Variants in FMNL2 observed in about 807,000 individuals in gnomAD.
FMNL2 encodes the protein formin-like protein 2.
In FMNL2, 51 loss-of-function variants were observed where a neutral mutation model predicts 130.2. That is an observed-to-expected ratio of 0.39 (90% CI 0.31 to 0.49). FMNL2 has a LOEUF of 0.49. Among genes scored for constraint, FMNL2 ranks in the 20% least tolerant of loss-of-function variants. FMNL2 has a pLI of 0.85. For synonymous variants in FMNL2, 465 were observed against 467.1 expected (o/e 1.00, Z 0.06); for missense variants, 977 against 1,316.2 (o/e 0.74, Z 3.99).
At chr2:152,560,411 C>G (rs1480959107) in intron 5 of FMNL2, among the ~76,000 whole-genome samples, 1 of 152,118 alleles carries the variant, frequency 6.6e-6, no homozygotes, top group Non-Finnish European at 1.5e-5. Context: ...CATAACTTTG[C>G]TAGTAATGTA....
At chr2:152,427,190 A>G (rs138294525) in intron 1 of FMNL2, among the ~76,000 whole-genome samples, 372 of 152,338 alleles carry the variant, frequency 2.4e-3, no homozygotes, top group African/African-American at 8.7e-3. Context: ...GTCCTAAAAG[A>G]TAACTTACAG....
At chr2:152,555,073 A>C (rs1695132101) in intron 4 of FMNL2, among the ~76,000 whole-genome samples, 1 of 152,222 alleles carries the variant, frequency 6.6e-6, no homozygotes, top group African/African-American at 2.4e-5. Flanking sequence ...ACGGAGTGAC[A>C]AATACAATAA....
chr2:152,435,791 C>T (rs772807992), intron 1 of FMNL2, among the ~76,000 whole-genome samples: 6 of 152,206 alleles, frequency 3.9e-5, no homozygotes, highest in East Asian at 3.9e-4. Context: ...ATGTTCTCAG[C>T]GAATTGCTGT....
intron 25 of FMNL2, among the ~76,000 whole-genome samples, chr2:152,641,227 AT>A (rs1185365506): frequency 6.6e-6 from 1 of 152,200 alleles, no homozygotes; most frequent in Non-Finnish European, 1.5e-5. Context: ...TGCCTGATTA[AT>A]AAACACTGTG....
chr2:152,354,719 A>G (rs1391461647), intron 1 of FMNL2, among the ~76,000 whole-genome samples: 1 of 152,200 alleles, frequency 6.6e-6, no homozygotes, highest in African/African-American at 2.4e-5. Flanking sequence ...TCAGCTGATA[A>G]ATATCACTTT....
intron 4 of FMNL2, among the ~76,000 whole-genome samples, chr2:152,552,235 G>T (rs965800609): frequency 1.3e-5 from 2 of 152,102 alleles, no homozygotes; most frequent in Non-Finnish European, 2.9e-5. Context: ...TATGATAGTT[G>T]TTTGTTATGC....
At chr2:152,443,037 A>G (rs1688134298) in intron 1 of FMNL2, among the ~76,000 whole-genome samples, 1 of 152,178 alleles carries the variant, frequency 6.6e-6, no homozygotes. Flanking sequence ...AGGGCAAATG[A>G]CCTGAAAAAT....
intron 4 of FMNL2, among the ~76,000 whole-genome samples, chr2:152,550,250 T>G (rs564158272): frequency 6.6e-6 from 1 of 152,346 alleles, no homozygotes; most frequent in East Asian, 1.9e-4. Context: ...AAAATAAACT[T>G]TTAGAAACTG....
intron 1 of FMNL2, among the ~76,000 whole-genome samples, chr2:152,376,048 C>T (rs1219988463): frequency 3.3e-5 from 5 of 151,888 alleles, no homozygotes; most frequent in African/African-American, 1.2e-4. Flanking sequence ...CATGTACCAC[C>T]ACGCCCAGCT....
Position 152,640,797 on chromosome 2 carries a change from T to C in FMNL2, c.3052T>C (p.Ser1018Pro), listed in dbSNP as rs1258302273. The part of the protein sequence containing the change: ...LMEQQDPKSP[S>P]HKSKRQQQEL... ...TGCCCTTCTTTCTTCTCAGTCTCCT[T>C]CTCATAAATCAAAGAGGCAGCAGCA... Residue 1018 changes from serine (S) to proline (P), a missense_variant, in exon 25 of 26, where the codon TCT (serine) becomes CCT (proline). Around this residue, in one of 4 missense-constraint regions of FMNL2, gnomAD observed 168 missense variants for 168.8 expected, o/e 1.00. Transcript: ENST00000288670. 1.2e-6 allele frequency: 2 copies of C among 1,612,988 alleles called. No homozygotes were observed. The highest frequency in any genetic ancestry group is 1.7e-6 in the Non-Finnish European group (2 of 1,179,440).
At chr2:152,474,679 C>A (rs569955256) in intron 1 of FMNL2, among the ~76,000 whole-genome samples, 1 of 151,880 alleles carries the variant, frequency 6.6e-6, no homozygotes, top group African/African-American at 2.4e-5. Flanking sequence ...GAGCAAGACT[C>A]TGTCTAAAAA....
rs74841987 is a variant in FMNL2 at position 152,541,861 on chromosome 2, C to T, written c.202-878C>T. Reference sequence around the variant, plus strand: ...GTAATCTAGTATACCATTGTATGAACGTAAATATAAGTACTGGTTCATTTT... The same window carrying T: ...GTAATCTAGTATACCATTGTATGAATGTAAATATAAGTACTGGTTCATTTT... On this transcript the variant is annotated intron_variant, in intron 2 of 25. Coordinates refer to ENST00000288670, the MANE Select transcript of FMNL2 (RefSeq NM_052905.4). Among the ~76,000 whole-genome samples, 46 of 151,904 alleles carry T rather than the reference C, an allele frequency of 3.0e-4. No individual in the cohort carries two copies. The East Asian group carries it at 6.7e-3, about 22-fold the overall frequency.
intron 1 of FMNL2, among the ~76,000 whole-genome samples, chr2:152,469,270 C>T (rs193201399): frequency 6.6e-6 from 1 of 152,210 alleles, no homozygotes; most frequent in Admixed American, 6.5e-5. Context: ...CATTTCAGCT[C>T]TTCCTGATAT....
rs560836806 is a variant in FMNL2, at chr2:152,398,110, G to GT, written c.117+62391dup. Among the ~76,000 whole-genome samples the GT allele has an allele frequency of 1.2e-3, 179 of 152,248 alleles. 1 individual carries two copies. Among genetic ancestry groups the GT allele is most frequent in the Admixed American group, 2.6e-3 (39 of 15,282 alleles). On this transcript the variant is annotated intron_variant, in intron 1 of 25. Coordinates refer to ENST00000288670, the MANE Select transcript of FMNL2 (RefSeq NM_052905.4). Reference sequence around the variant, plus strand: ...GCTGCACTCCAGCCTGGGCAACAGAGTGAGACTCCATCTCGAAAAAAAATA... The same window carrying GT: ...GCTGCACTCCAGCCTGGGCAACAGAGTTGAGACTCCATCTCGAAAAAAAATA...
At chr2:152,433,063 C>T (rs1432533600) in intron 1 of FMNL2, among the ~76,000 whole-genome samples, 2 of 152,154 alleles carry the variant, frequency 1.3e-5, no homozygotes, top group African/African-American at 4.8e-5. Context: ...ATTTATCTAT[C>T]TGTCATTTCC....
rs35753197 is a variant in FMNL2, at chr2:152,599,405, CTTTTTTTTTTTTTT to C, written c.877-7915_877-7902del. Among the ~76,000 whole-genome samples the C allele has an allele frequency of 7.8e-4, 35 of 45,086 alleles. 1 individual carries two copies. Among genetic ancestry groups the C allele is most frequent in the Admixed American group, 3.3e-3 (8 of 2,448 alleles). 29.6% of individuals were successfully genotyped at this position (45,086 alleles called of 152,430 possible). A position where few individuals can be genotyped will look rare whatever the true frequency, so the allele number is the denominator to read the frequency against. ...CTCTCTAGAATTTATTGAAGGTCATCTTTTTTTTTTTTTTTTTTTTTTTTTTTTTTTTAGAGAGG... is the reference window on the plus strand; with the variant it reads ...CTCTCTAGAATTTATTGAAGGTCATCTTTTTTTTTTTTTTTTTTAGAGAGG... On this transcript the variant is annotated intron_variant, in intron 9 of 25. Transcript: ENST00000288670.
chr2:152,460,274 G>T (rs939589756), intron 1 of FMNL2, among the ~76,000 whole-genome samples: 1 of 152,090 alleles, frequency 6.6e-6, no homozygotes, highest in African/African-American at 2.4e-5. Flanking sequence ...TGAAATATTG[G>T]TAATTAATGT....
chr2:152,385,270 G>A (rs1684717478), intron 1 of FMNL2, among the ~76,000 whole-genome samples: 1 of 152,224 alleles, frequency 6.6e-6, no homozygotes, highest in Admixed American at 6.5e-5. Flanking sequence ...ACATCAGTTG[G>A]CAGGTACATT....
intron 15 of FMNL2, among the ~76,000 whole-genome samples, chr2:152,623,366 G>T (rs1251016262): frequency 2.0e-5 from 3 of 152,216 alleles, no homozygotes; most frequent in African/African-American, 2.4e-5. Context: ...TTCCTGGGTA[G>T]CGTAGACAAA....
Sources: gnomAD v4.1 joint callset for allele counts (sites outside exome capture counted in the v4.1 genomes callset) on GRCh38, gnomAD v4.1.1 for gene constraint, gnomAD v4.1.1 regional missense constraint, MANE v1.5 for transcripts, NCBI Gene and HGNC (gene_info 2026-07-23, HGNC 2026-07-21) for gene names.